The following MOB1A variants were observed in gnomAD, a reference collection of about 807,000 sequenced individuals.
MOB1A encodes MOB kinase activator 1A.
In MOB1A, 10 loss-of-function variants were observed where a neutral mutation model predicts 25.1. The ratio of observed to expected loss-of-function variants is 0.40; its 90% CI spans 0.25 to 0.68. The LOEUF is 0.68. Among genes scored for constraint, MOB1A ranks in the 30% least tolerant of loss-of-function variants. MOB1A has a pLI of 0.40. For missense variants in MOB1A, 177 were observed against 256.3 expected, an observed-to-expected ratio of 0.69 and a Z score of 2.11; for synonymous variants, 81 against 79.5, an observed-to-expected ratio of 1.02 and a Z score of -0.10.
At chr2:74,177,700 G>C (rs1251755531) in intron 1 of MOB1A, among the ~76,000 whole-genome samples, 1 of 152,030 alleles carries the variant, frequency 6.6e-6, no homozygotes, top group Admixed American at 6.6e-5. Context: ...TTTTTATATT[G>C]TATTTAATAA....
Position 74,159,227 on chromosome 2 carries a change from G to A in MOB1A, c.437C>T (p.Ser146Phe). 2.5e-6 allele frequency: 4 copies of A among 1,613,302 alleles called. No homozygotes were observed. The highest frequency in any genetic ancestry group is 2.5e-6 in the Non-Finnish European group (3 of 1,179,738). The change falls in exon 5 of 6, where the codon TCT (serine) becomes TTT (phenylalanine). Residue 146 changes from serine to phenylalanine, a missense_variant. Ser to Phe is a radical substitution (Grantham distance 155). Coordinates refer to ENST00000396049, the MANE Select transcript of MOB1A (RefSeq NM_018221.5). Reference sequence around the variant, plus strand: ...ACGCTTTAGAATAGTCTTTGCCACAGACATAAAGTTTTTGGGAAATGGGAC... The same window carrying A: ...ACGCTTTAGAATAGTCTTTGCCACAAACATAAAGTTTTTGGGAAATGGGAC... The part of the protein sequence containing the change: ...IGVPFPKNFM[S>F]VAKTILKRLF...
chr2:74,176,834 T>C (rs969843459), intron 1 of MOB1A, among the ~76,000 whole-genome samples: 6 of 151,724 alleles, frequency 4.0e-5, no homozygotes, highest in Admixed American at 1.3e-4. Context: ...CATAGAGTAC[T>C]TATGGGAATG....
chr2:74,176,572 G>A (rs1209218089), intron 1 of MOB1A, among the ~76,000 whole-genome samples: 1 of 151,824 alleles, frequency 6.6e-6, no homozygotes, highest in African/African-American at 2.4e-5. Context: ...AGACCATCTT[G>A]GCTAACACGG....
intron 1 of MOB1A, among the ~76,000 whole-genome samples, chr2:74,173,404 G>A (rs888093481): frequency 1.0e-5 from 1 of 96,738 alleles, no homozygotes; most frequent in Non-Finnish European, 1.9e-5. Context: ...TTTTTGAGAT[G>A]TAGTCTTACT....
chr2:74,160,276 G>A (rs890570214), intron 4 of MOB1A, among the ~76,000 whole-genome samples: 3 of 152,144 alleles, frequency 2.0e-5, no homozygotes, highest in South Asian at 2.1e-4. Context: ...GAGCTCATAA[G>A]CCTGAGTTCA....
intron 2 of MOB1A, among the ~76,000 whole-genome samples, chr2:74,171,003 G>C (rs796365234): frequency 6.6e-5 from 10 of 152,312 alleles, no homozygotes; most frequent in African/African-American, 2.4e-4. Context: ...CATTTGGCCA[G>C]GTGCGGTGGC....
chr2:74,168,025 G>A (rs1213079275), intron 2 of MOB1A, among the ~76,000 whole-genome samples: 2 of 152,164 alleles, frequency 1.3e-5, no homozygotes, highest in African/African-American at 4.8e-5. Context: ...TACAGTCCCA[G>A]CTATGTAGGA....
At position 74,172,716 on chromosome 2, in the gene MOB1A, C is replaced by T. The variant is rs772455023; in HGVS notation, c.51G>A (p.Lys17=). Residue 17 remains lysine, a synonymous_variant, in exon 2 of 6, where the codon AAG becomes AAA. Transcript: ENST00000396049. ...ACTGATGAGATCCTTCAGGGATATT[C>T]TTCTTTGGTTTGAATGTTTTAGAAG... The part of the protein sequence containing the change: ...SRSSKTFKPK[K]NIPEGSHQYE... 3 of 1,613,764 alleles carry T rather than the reference C, an allele frequency of 1.9e-6. No homozygotes were observed. The highest frequency in any genetic ancestry group is 3.3e-5 in the Admixed American group (2 of 59,962).
intron 2 of MOB1A, among the ~76,000 whole-genome samples, chr2:74,171,245 G>A (rs1054766713): frequency 8.6e-5 from 13 of 151,624 alleles, no homozygotes; most frequent in African/African-American, 2.9e-4. Flanking sequence ...CCAAGATTTC[G>A]CCACTGCACT....
rs376055758 is a variant in MOB1A, at chr2:74,165,732, C to T, written c.276-381G>A. On this transcript the variant is annotated intron_variant, in intron 3 of 5. Coordinates refer to ENST00000396049, the MANE Select transcript of MOB1A (RefSeq NM_018221.5). ...CATCAATTTATTATCATCAATGGAC[C>T]CAAGATTATAAAACTCTGTTTTGGG... is the stretch of plus-strand genomic sequence containing the variant. 3.7e-3 allele frequency among the ~76,000 whole-genome samples: 565 copies of T among 152,114 alleles called. 5 individuals are homozygous for T. The highest frequency in any genetic ancestry group is 0.012 in the African/African-American group (503 of 41,480).
intron 3 of MOB1A, among the ~76,000 whole-genome samples, chr2:74,166,697 G>A (rs2103717498): frequency 6.6e-6 from 1 of 152,296 alleles, no homozygotes; most frequent in African/African-American, 2.4e-5. Context: ...TTAGCTGGGA[G>A]TGGTGGCACA....
At chr2:74,175,105 T>A (rs569990030) in intron 1 of MOB1A, among the ~76,000 whole-genome samples, 12 of 152,312 alleles carry the variant, frequency 7.9e-5, no homozygotes, top group African/African-American at 2.9e-4. Flanking sequence ...CCACCTCTTG[T>A]CATATCAGCA....
chr2:74,168,746 T>C (rs916727804), intron 2 of MOB1A, among the ~76,000 whole-genome samples: 1 of 152,252 alleles, frequency 6.6e-6, no homozygotes, highest in Non-Finnish European at 1.5e-5. Flanking sequence ...AATGCTATCT[T>C]GTAAAAGGAA....
At chr2:74,170,453 A>G (rs1023312139) in intron 2 of MOB1A, among the ~76,000 whole-genome samples, 3 of 152,064 alleles carry the variant, frequency 2.0e-5, no homozygotes, top group Non-Finnish European at 1.5e-5. Flanking sequence ...AAAGTTTTTT[A>G]AAAAAGGTTT....
At chr2:74,166,424 A>G (rs962276081) in intron 3 of MOB1A, among the ~76,000 whole-genome samples, 2 of 152,238 alleles carry the variant, frequency 1.3e-5, no homozygotes, top group East Asian at 3.8e-4. Flanking sequence ...AATGTTTGCA[A>G]TTCAAGACAA....
At chr2:74,176,565 C>A (rs1295435269) in intron 1 of MOB1A, among the ~76,000 whole-genome samples, 1 of 151,792 alleles carries the variant, frequency 6.6e-6, no homozygotes, top group East Asian at 1.9e-4. Context: ...GATATTGAGA[C>A]CATCTTGGCT....
Position 74,152,781 on chromosome 2 carries a change from A to C in MOB1A, c.*3787T>G, listed in dbSNP as rs1558826828. On this transcript the variant is annotated 3_prime_UTR_variant, in exon 6 of 6. Transcript: ENST00000396049. ...GATGGTAACCAAAACTAACTTACAC[A>C]AACTATTTTTGATGTAGAATAGAAT... 1 of 152,224 alleles carries C rather than the reference A, an allele frequency of 6.6e-6. No homozygotes were observed. Among genetic ancestry groups the C allele is most frequent in the Non-Finnish European group, 1.5e-5 (1 of 68,032 alleles). The allele number at this position is 152,224 out of a possible 1,614,324, so 9.4% of individuals were successfully genotyped here. A position where few individuals can be genotyped will look rare whatever the true frequency, so the allele number is the denominator to read the frequency against.
intron 4 of MOB1A, among the ~76,000 whole-genome samples, chr2:74,163,791 A>C (rs1693048063): frequency 6.6e-6 from 1 of 152,220 alleles, no homozygotes; most frequent in African/African-American, 2.4e-5. Context: ...ATTTTACAAG[A>C]GAAAATAAAG....
At chr2:74,156,805 T>C (rs1250109276) in intron 5 of MOB1A, among the ~76,000 whole-genome samples, 160 bp from the exon 6 acceptor site, 3 of 150,976 alleles carry the variant, frequency 2.0e-5, no homozygotes, top group Non-Finnish European at 3.0e-5. Flanking sequence ...TTCTTTTTCT[T>C]TTTTTTTTCT....
Sources: allele counts gnomAD v4.1 joint callset (sites outside exome capture counted in the v4.1 genomes callset), GRCh38; gene constraint gnomAD v4.1.1; transcripts MANE v1.5; gene names NCBI Gene and HGNC (gene_info 2026-07-23, HGNC 2026-07-21).